The following BRWD1 variants were observed in gnomAD, a reference collection of about 807,000 sequenced individuals.
The protein encoded by BRWD1 is bromodomain and WD repeat domain containing 1.
A neutral mutation model predicts 251.2 loss-of-function variants in BRWD1; 82 were observed. That is an observed-to-expected ratio of 0.33 (90% CI 0.27 to 0.39). The LOEUF is 0.39. BRWD1 is among the 10% of genes least tolerant of loss of function. BRWD1 has a pLI of 1.00. For missense variants in BRWD1, 2,233 were observed against 2,711.6 expected, an observed-to-expected ratio of 0.82 and a Z score of 3.92; for synonymous variants, 918 against 902.8, an observed-to-expected ratio of 1.02 and a Z score of -0.30.
At chr21:39,294,654 CAA>C (rs35545105) in intron 7 of BRWD1, among the ~76,000 whole-genome samples, 12 of 98,822 alleles carry the variant, frequency 1.2e-4, no homozygotes, top group Non-Finnish European at 9.5e-5. Context: ...GACTCCGTCT[CAA>C]AAAAAAAAAA....
chr21:39,318,730 G>A (rs1425740978), upstream of BRWD1, among the ~76,000 whole-genome samples: 2 of 151,998 alleles, frequency 1.3e-5, no homozygotes, highest in African/African-American at 2.4e-5. Context: ...CTGCAGCCTC[G>A]CAGTCCTACC....
In BRWD1 at chr21:39,187,843, A is replaced by AG; in HGVS notation, c.*8415dup. On this transcript the variant is annotated 3_prime_UTR_variant, in exon 41 of 41. Coordinates refer to ENST00000342449, the MANE Select transcript of BRWD1 (RefSeq NM_033656.4). ...ACAGAGTTGCTTTAAGGAACCAAAA[A>AG]GTGCAGAGTGCTATGAGAACACAGA... is the stretch of plus-strand genomic sequence containing the variant. 1.0e-6 allele frequency: 1 copy of AG among 985,202 alleles called. No homozygotes were observed. Among genetic ancestry groups the AG allele is most frequent in the African/African-American group, 1.7e-5 (1 of 57,354 alleles). 61.0% of individuals were successfully genotyped at this position (985,202 alleles called of 1,614,324 possible). A position where few individuals can be genotyped will look rare whatever the true frequency, so the allele number is the denominator to read the frequency against.
chr21:39,268,052 G>C (rs1028765802), intron 15 of BRWD1, among the ~76,000 whole-genome samples: 1 of 152,120 alleles, frequency 6.6e-6, no homozygotes, highest in African/African-American at 2.4e-5. Flanking sequence ...TGTGTGCAAA[G>C]ACACCAACTA....
intron 8 of BRWD1, 148 bp from the exon 9 acceptor site, chr21:39,280,396 T>A (rs2035418619): frequency 1.6e-6 from 1 of 621,762 alleles, no homozygotes; most frequent in Admixed American, 3.5e-5. Flanking sequence ...AGTGAAAAAA[T>A]CATAACCTCT....
At chr21:39,245,142 G>C (rs1357793796) in intron 21 of BRWD1, among the ~76,000 whole-genome samples, 1 of 151,848 alleles carries the variant, frequency 6.6e-6, no homozygotes, top group African/African-American at 2.4e-5. Context: ...TACTTGGGAG[G>C]CTGAAGGAGG....
At chr21:39,201,456 A>G (rs1312971441) in intron 38 of BRWD1, among the ~76,000 whole-genome samples, 1 of 152,246 alleles carries the variant, frequency 6.6e-6, no homozygotes, top group Non-Finnish European at 1.5e-5. Context: ...GAAAGTTGCT[A>G]AACTTTGACT....
upstream of BRWD1, chr21:39,314,300 C>T (rs756885403): frequency 1.4e-4 from 64 of 455,868 alleles, no homozygotes; most frequent in Middle Eastern, 2.6e-3. Context: ...GCCACATCCC[C>T]CACAAGCCAG....
At chr21:39,286,553 C>T (rs1314097786) in intron 8 of BRWD1, among the ~76,000 whole-genome samples, 7 of 151,504 alleles carry the variant, frequency 4.6e-5, no homozygotes, top group Non-Finnish European at 1.0e-4. Context: ...CTCACACTGT[C>T]ACCTGGTGGG....
chr21:39,236,041 T>C (rs2033798689), intron 23 of BRWD1: 1 of 195,746 alleles, frequency 5.1e-6, no homozygotes, highest in African/African-American at 2.3e-5. Context: ...CCCAGCCCTC[T>C]GACCAGACCT....
At chr21:39,265,121 GAAAAA>G in intron 15 of BRWD1, 102 bp from the exon 16 acceptor site, 1 of 822,152 alleles carries the variant, frequency 1.2e-6, no homozygotes, top group African/African-American at 2.0e-5. Flanking sequence ...TATCCCTTCT[GAAAAA>G]AAAAAAAAAA....
At chr21:39,280,865 A>G (rs1447904912) in intron 8 of BRWD1, among the ~76,000 whole-genome samples, 1 of 152,234 alleles carries the variant, frequency 6.6e-6, no homozygotes, top group Non-Finnish European at 1.5e-5. Flanking sequence ...AAATAAGGAA[A>G]CACAGGAACT....
intron 19 of BRWD1, among the ~76,000 whole-genome samples, chr21:39,254,737 T>C (rs532829756): frequency 6.6e-6 from 1 of 152,224 alleles, no homozygotes; most frequent in Non-Finnish European, 1.5e-5. Context: ...GAGTTAAAAA[T>C]CATGATTATA....
rs750065928 is a variant in BRWD1 at position 39,199,440 on chromosome 21, C to T, written c.4976G>A (p.Arg1659Gln). 27 of 1,614,174 alleles carry T rather than the reference C, an allele frequency of 1.7e-5. No individual in the cohort carries two copies. Among genetic ancestry groups the T allele is most frequent in the East Asian group, 4.5e-5 (2 of 44,884 alleles). Residue 1659 changes from arginine (R) to glutamine (Q), a missense_variant, in exon 40 of 41, where the codon CGG (arginine) becomes CAG (glutamine). Physicochemically the swap from Arg to Gln is conservative, Grantham distance 43 (BLOSUM62 1). Coordinates refer to ENST00000342449, the MANE Select transcript of BRWD1 (RefSeq NM_033656.4). Reference sequence around the variant, plus strand: ...AGAAGCATTGCGGTGAGGCAGCTTCCGACCAGAACAGACACTTTCAGAGCT... The same window carrying T: ...AGAAGCATTGCGGTGAGGCAGCTTCTGACCAGAACAGACACTTTCAGAGCT... ...NSSSESVCSGRKLPHRNASAV... is the reference protein window; with the variant it reads ...NSSSESVCSGQKLPHRNASAV...
At chr21:39,243,952 A>C (rs1186283565) in intron 21 of BRWD1, among the ~76,000 whole-genome samples, 1 of 152,204 alleles carries the variant, frequency 6.6e-6, no homozygotes, top group Non-Finnish European at 1.5e-5. Flanking sequence ...CAAAATAAAA[A>C]ATTTACACCT....
At chr21:39,318,657 G>T (rs1044814062), upstream of BRWD1, among the ~76,000 whole-genome samples, 3 of 151,914 alleles carry the variant, frequency 2.0e-5, no homozygotes. Flanking sequence ...GTTTTTTTCC[G>T]CTTTAGAGAC....
chr21:39,223,009 A>G (rs1220010149), intron 29 of BRWD1, among the ~76,000 whole-genome samples: 1 of 152,208 alleles, frequency 6.6e-6, no homozygotes, highest in East Asian at 1.9e-4. Context: ...GAAATTCTAT[A>G]AAATAACTGC....
At chr21:39,270,555 G>A (rs1601427103) in intron 13 of BRWD1, 122 bp from the exon 14 acceptor site, 1 of 793,308 alleles carries the variant, frequency 1.3e-6, no homozygotes, top group African/African-American at 1.8e-5. Flanking sequence ...CAACCCTACA[G>A]TGAGTTCATC....
At chr21:39,229,257 C>G in intron 26 of BRWD1, 55 bp downstream of exon 26, 1 of 1,442,458 alleles carries the variant, frequency 6.9e-7, no homozygotes, top group South Asian at 1.2e-5. Context: ...ATCATTCAAT[C>G]AGCAAAATGG....
chr21:39,281,673 T>C (rs1192227402), intron 8 of BRWD1, among the ~76,000 whole-genome samples: 2 of 151,990 alleles, frequency 1.3e-5, no homozygotes, highest in Non-Finnish European at 2.9e-5. Flanking sequence ...CTACTAAAAA[T>C]ACAAAAATTA....
Sources: gnomAD v4.1 joint callset for allele counts (sites outside exome capture counted in the v4.1 genomes callset) on GRCh38, gnomAD v4.1.1 for gene constraint, MANE v1.5 for transcripts, NCBI Gene and HGNC (gene_info 2026-07-23, HGNC 2026-07-21) for gene names.